The following PACC1 variants were observed in gnomAD, a reference collection of about 807,000 sequenced individuals.
PACC1 encodes proton activated chloride channel 1, also known as proton-activated chloride channel.
Under a neutral mutation model 39.7 loss-of-function variants are expected in PACC1, and 34 were observed. The observed-to-expected ratio is 0.86, with a 90% CI of 0.65 to 1.14. The LOEUF (loss-of-function observed/expected upper bound fraction) is 1.14, where lower values mean the gene tolerates loss of function less well. Ranked by LOEUF, PACC1 falls within the 50% of genes most tolerant of loss-of-function variation. The probability of loss-of-function intolerance (pLI) is 0.00; values close to 1 mark genes in which losing one functional copy is unlikely to be tolerated. For missense variants in PACC1, 379 were observed against 436.4 expected, an observed-to-expected ratio of 0.87 and a Z score of 1.17; for synonymous variants, 127 against 160.6, an observed-to-expected ratio of 0.79 and a Z score of 1.58.
chr1:212,387,203 A>G lies in PACC1; in HGVS notation c.134-103T>C, dbSNP rs1033372939. The G allele has an allele frequency of 6.2e-6, 7 of 1,135,450 alleles. No homozygotes were observed. In the African/African-American group the frequency reaches 1.1e-4, roughly 17 times the overall value. 70.3% of individuals were successfully genotyped at this position (1,135,450 alleles called of 1,614,324 possible). On this transcript the variant is annotated intron_variant, in intron 2 of 7. Coordinates refer to ENST00000261455, the MANE Select transcript of PACC1 (RefSeq NM_018252.3). ...CTTGCCTGCCTCACCAAGGAGGTGAAGTCACCTGCACGCCCAACCTTTCCA... is the reference window on the plus strand; with the variant it reads ...CTTGCCTGCCTCACCAAGGAGGTGAGGTCACCTGCACGCCCAACCTTTCCA...
intron 2 of PACC1, among the ~76,000 whole-genome samples, chr1:212,392,553 C>T (rs567138806): frequency 6.6e-6 from 1 of 152,270 alleles, no homozygotes; most frequent in South Asian, 2.1e-4. Flanking sequence ...AAATAACCAG[C>T]TAACATCATA....
chr1:212,389,846 T>C (rs1661242607), intron 2 of PACC1, among the ~76,000 whole-genome samples: 1 of 152,202 alleles, frequency 6.6e-6, no homozygotes, highest in Non-Finnish European at 1.5e-5. Context: ...TGATGAGTTT[T>C]ACATTACGTG....
intron 7 of PACC1, 49 bp from the exon 8 acceptor site, chr1:212,365,425 G>GATT: frequency 9.8e-7 from 1 of 1,023,628 alleles, no homozygotes; most frequent in Non-Finnish European, 1.4e-6. Context: ...CTTCAGTCTT[G>GATT]ATTCTTTTTT....
At chr1:212,370,807 G>A (rs187786412) in intron 7 of PACC1, among the ~76,000 whole-genome samples, 83 of 152,250 alleles carry the variant, frequency 5.5e-4, no homozygotes, top group Admixed American at 2.2e-3. Context: ...TAAGAGGGAA[G>A]TTTATAATAA....
intron 2 of PACC1, among the ~76,000 whole-genome samples, chr1:212,407,532 G>C (rs906675317): frequency 6.6e-6 from 1 of 152,228 alleles, no homozygotes; most frequent in East Asian, 1.9e-4. Flanking sequence ...TCTCCCGGGA[G>C]CCTTAGGGCT....
At chr1:212,365,755 C>T (rs1660217233) in intron 7 of PACC1, among the ~76,000 whole-genome samples, 1 of 152,156 alleles carries the variant, frequency 6.6e-6, no homozygotes, top group Admixed American at 6.5e-5. Context: ...AAAATACTGA[C>T]TCCTCCCTAT....
At chr1:212,399,824 G>A (rs1006172309) in intron 2 of PACC1, among the ~76,000 whole-genome samples, 28 of 151,958 alleles carry the variant, frequency 1.8e-4, no homozygotes, top group East Asian at 5.8e-4. Context: ...GATTACAGGC[G>A]TGAGCCACTG....
chr1:212,371,592 TTCTA>T (rs75406021), intron 7 of PACC1, among the ~76,000 whole-genome samples: 21,225 of 152,016 alleles, frequency 0.14, 1,972 homozygotes, highest in Middle Eastern at 0.21. Context: ...CGTTGCTAAA[TTCTA>T]TCTAACATTA....
chr1:212,409,178 G>T (rs1662032911), intron 2 of PACC1, among the ~76,000 whole-genome samples: 1 of 152,110 alleles, frequency 6.6e-6, no homozygotes, highest in Admixed American at 6.5e-5. Flanking sequence ...CCACAAACCG[G>T]TCCCTGGTGC....
intron 2 of PACC1, among the ~76,000 whole-genome samples, chr1:212,390,727 C>T (rs945717349): frequency 1.3e-5 from 2 of 152,210 alleles, no homozygotes; most frequent in Non-Finnish European, 2.9e-5. Flanking sequence ...CCTGGAAAAT[C>T]GGGCCACTCC....
intron 5 of PACC1, 84 bp downstream of exon 5, chr1:212,379,811 C>A (rs1660807998): frequency 2.6e-6 from 4 of 1,553,530 alleles, no homozygotes; most frequent in Admixed American, 3.6e-5. Flanking sequence ...TGCCCTCACC[C>A]CTCCGTCTCT....
chr1:212,396,264 AG>A (rs1661512893), intron 2 of PACC1, among the ~76,000 whole-genome samples: 1 of 152,256 alleles, frequency 6.6e-6, no homozygotes, highest in Non-Finnish European at 1.5e-5. Context: ...GCCATAAAAA[AG>A]GATGAGTTCA....
intron 2 of PACC1, among the ~76,000 whole-genome samples, chr1:212,404,510 C>G (rs1488196078): frequency 6.6e-6 from 1 of 151,874 alleles, no homozygotes; most frequent in Non-Finnish European, 1.5e-5. Flanking sequence ...CCTCATCTCC[C>G]TCTACTTTGC....
At chr1:212,399,796 G>A (rs576856624) in intron 2 of PACC1, among the ~76,000 whole-genome samples, 2 of 152,146 alleles carry the variant, frequency 1.3e-5, no homozygotes, top group East Asian at 1.9e-4. Context: ...CACCCGCCTC[G>A]GCCTCCTAAA....
intron 2 of PACC1, among the ~76,000 whole-genome samples, chr1:212,397,057 C>T (rs1661554525): frequency 6.6e-6 from 1 of 151,920 alleles, no homozygotes; most frequent in Non-Finnish European, 1.5e-5. Context: ...ACTAGCAGAC[C>T]TGCACTAAAC....
intron 2 of PACC1, among the ~76,000 whole-genome samples, chr1:212,400,935 G>C (rs1661687664): frequency 6.6e-6 from 1 of 152,198 alleles, no homozygotes; most frequent in African/African-American, 2.4e-5. Flanking sequence ...CCTCTATTTA[G>C]AGGAAGGGGG....
chr1:212,399,165 C>T (rs1661624939), intron 2 of PACC1, among the ~76,000 whole-genome samples: 1 of 152,194 alleles, frequency 6.6e-6, no homozygotes, highest in Admixed American at 6.5e-5. Context: ...GAAAAGATCA[C>T]AAGATAAAAC....
chr1:212,375,921 A>G (rs1157712951), intron 6 of PACC1, among the ~76,000 whole-genome samples: 2 of 152,184 alleles, frequency 1.3e-5, no homozygotes, highest in African/African-American at 2.4e-5. Context: ...ACCATATTCA[A>G]ACTACCATGT....
intron 2 of PACC1, among the ~76,000 whole-genome samples, chr1:212,396,938 G>T (rs917447607): frequency 6.6e-6 from 1 of 151,792 alleles, no homozygotes; most frequent in Non-Finnish European, 1.5e-5. Flanking sequence ...TTCAAATGCT[G>T]AAAGAAAAAA....
Sources: allele counts gnomAD v4.1 joint callset (sites outside exome capture counted in the v4.1 genomes callset), GRCh38; gene constraint gnomAD v4.1.1; transcripts MANE v1.5; gene names NCBI Gene and HGNC (gene_info 2026-07-23, HGNC 2026-07-21).